PCDH9: variants seen among roughly 807,000 people sequenced by gnomAD.
PCDH9 encodes protocadherin-9.
Under a neutral mutation model 70.6 loss-of-function variants are expected in PCDH9, and 24 were observed. That is an observed-to-expected ratio of 0.34 (90% confidence interval 0.25 to 0.48). The LOEUF (loss-of-function observed/expected upper bound fraction) is 0.48. PCDH9 is among the 20% of genes least tolerant of loss of function. The pLI, the probability that PCDH9 is intolerant of heterozygous loss-of-function variation, is 0.99. For missense variants in PCDH9, 1,281 were observed against 1,503.6 expected, an observed-to-expected ratio of 0.85 and a Z score of 2.45; for synonymous variants, 562 against 558.5, an observed-to-expected ratio of 1.01 and a Z score of -0.09.
chr13:66,376,131 G>C (rs963190522), intron 4 of PCDH9, among the ~76,000 whole-genome samples: 1 of 151,970 alleles, frequency 6.6e-6, no homozygotes, highest in Non-Finnish European at 1.5e-5. Context: ...AAAAATAGAA[G>C]GAATTAAACA....
chr13:66,746,020 C>T (rs2079357265), intron 3 of PCDH9, among the ~76,000 whole-genome samples: 1 of 152,140 alleles, frequency 6.6e-6, no homozygotes, highest in East Asian at 1.9e-4. Flanking sequence ...AATACTACTA[C>T]CAACATTCAT....
At chr13:66,766,135 C>T (rs2079713513) in intron 3 of PCDH9, among the ~76,000 whole-genome samples, 1 of 151,784 alleles carries the variant, frequency 6.6e-6, no homozygotes, top group South Asian at 2.1e-4. Flanking sequence ...GTTTGGTGAT[C>T]TATATACATG....
chr13:66,628,035 T>G (rs2146741), intron 4 of PCDH9, among the ~76,000 whole-genome samples: 129,792 of 152,108 alleles, frequency 0.85, 56,069 homozygotes, highest in Admixed American at 0.92. Flanking sequence ...TTTCTATGAT[T>G]GGAAAACTCA....
intron 4 of PCDH9, among the ~76,000 whole-genome samples, chr13:66,532,438 A>G (rs1960508672): frequency 1.3e-5 from 2 of 152,230 alleles, no homozygotes. Flanking sequence ...AAGACACTAA[A>G]AATGAACTGT....
chr13:67,145,176 C>T (rs369162936), intron 2 of PCDH9, among the ~76,000 whole-genome samples: 9 of 152,150 alleles, frequency 5.9e-5, no homozygotes, highest in African/African-American at 2.2e-4. Context: ...CAGTTTAAAA[C>T]ATCGATCTCA....
chr13:66,464,751 A>G (rs896176716), intron 4 of PCDH9, among the ~76,000 whole-genome samples: 2 of 151,946 alleles, frequency 1.3e-5, no homozygotes, highest in African/African-American at 4.8e-5. Context: ...CAGCTTCCTA[A>G]ATTTGGGTAG....
At chr13:66,639,575 A>G (rs2077682952) in intron 3 of PCDH9, among the ~76,000 whole-genome samples, 1 of 152,178 alleles carries the variant, frequency 6.6e-6, no homozygotes, top group South Asian at 2.1e-4. Flanking sequence ...AGTATACCCT[A>G]TACTCCTTTT....
At chr13:67,229,253 G>T (rs1316329976) in intron 1 of PCDH9, among the ~76,000 whole-genome samples, 2 of 152,118 alleles carry the variant, frequency 1.3e-5, no homozygotes, top group African/African-American at 2.4e-5. Flanking sequence ...ATCCTCATTA[G>T]GATTCATAAA....
At chr13:66,690,697 AAAG>A (rs1459851329) in intron 3 of PCDH9, among the ~76,000 whole-genome samples, 1 of 152,218 alleles carries the variant, frequency 6.6e-6, no homozygotes, top group East Asian at 1.9e-4. Context: ...CTGAGTTGGC[AAAG>A]TAGTCCAGAG....
chr13:66,985,906 A>G (rs1046836151), intron 2 of PCDH9: 1 of 152,104 alleles, frequency 6.6e-6, no homozygotes, highest in African/African-American at 2.4e-5. Flanking sequence ...GCCACAAATC[A>G]GTAGTCATTA....
intron 4 of PCDH9, among the ~76,000 whole-genome samples, chr13:66,610,437 A>G (rs1037854806): frequency 6.6e-6 from 1 of 152,148 alleles, no homozygotes; most frequent in Non-Finnish European, 1.5e-5. Context: ...CTTTTGAACA[A>G]TAAATGAACT....
chr13:66,531,184 T>C (rs1285838080), intron 4 of PCDH9, among the ~76,000 whole-genome samples: 1 of 152,008 alleles, frequency 6.6e-6, no homozygotes, highest in Admixed American at 6.6e-5. Context: ...ATTGGTTCTA[T>C]TAGACTCAGG....
At chr13:67,187,352 T>C (rs2088784844) in intron 2 of PCDH9, among the ~76,000 whole-genome samples, 1 of 152,170 alleles carries the variant, frequency 6.6e-6, no homozygotes, top group South Asian at 2.1e-4. Flanking sequence ...AGGCAGAGTA[T>C]AGAAATGTGC....
chr13:67,169,658 A>T (rs2088222522), intron 2 of PCDH9, among the ~76,000 whole-genome samples: 1 of 152,178 alleles, frequency 6.6e-6, no homozygotes, highest in Non-Finnish European at 1.5e-5. Flanking sequence ...ACTCATATAG[A>T]ATCTGAACAA....
chr13:66,927,170 A>C (rs375870413), intron 2 of PCDH9, among the ~76,000 whole-genome samples: 18 of 152,188 alleles, frequency 1.2e-4, no homozygotes, highest in African/African-American at 3.9e-4. Flanking sequence ...TTCATTTGCT[A>C]GGGCTGCCAT....
chr13:66,459,046 G>C (rs1402139199), intron 4 of PCDH9, among the ~76,000 whole-genome samples: 4 of 151,904 alleles, frequency 2.6e-5, no homozygotes. Context: ...AGCTCCAGAA[G>C]GACCAAAATA....
intron 2 of PCDH9, chr13:67,205,693 A>G (rs1428063211): frequency 6.6e-6 from 1 of 152,220 alleles, no homozygotes; most frequent in African/African-American, 2.4e-5. Flanking sequence ...CCGAGAATCA[A>G]TTTCCTTTGC....
At chr13:66,471,016 A>G (rs536831015) in intron 4 of PCDH9, among the ~76,000 whole-genome samples, 1 of 151,760 alleles carries the variant, frequency 6.6e-6, no homozygotes, top group South Asian at 2.1e-4. Context: ...TTAACTGTTA[A>G]GATCTGATTA....
chr13:67,167,339 AATG>A (rs1262794423), intron 2 of PCDH9, among the ~76,000 whole-genome samples: 1 of 152,194 alleles, frequency 6.6e-6, no homozygotes, highest in Non-Finnish European at 1.5e-5. Flanking sequence ...GGAGGATAAT[AATG>A]ATATCTATTT....
Sources: allele counts gnomAD v4.1 joint callset (sites outside exome capture counted in the v4.1 genomes callset), GRCh38; gene constraint gnomAD v4.1.1; transcripts MANE v1.5; gene names NCBI Gene and HGNC (gene_info 2026-07-23, HGNC 2026-07-21).